The following DNMT3A variants were observed in gnomAD, a reference collection of about 807,000 sequenced individuals.
The protein encoded by DNMT3A is DNA (cytosine-5)-methyltransferase 3A.
DNMT3A carries 267 observed loss-of-function variants against 117.6 expected under a neutral mutation model. That is an observed-to-expected ratio of 2.27 (90% CI 2.05 to 2.51). DNMT3A has a LOEUF of 2.51. Among genes scored for constraint, DNMT3A ranks in the 30% most tolerant of loss-of-function variants. The pLI is 0.00. For missense variants in DNMT3A, 1,029 were observed against 1,260.2 expected, an observed-to-expected ratio of 0.82 and a Z score of 2.78; for synonymous variants, 432 against 474.8, an observed-to-expected ratio of 0.91 and a Z score of 1.17.
At chr2:25,292,590 C>T (rs1007829443) in intron 3 of DNMT3A, among the ~76,000 whole-genome samples, 1 of 152,142 alleles carries the variant, frequency 6.6e-6, no homozygotes, top group Non-Finnish European at 1.5e-5. Context: ...GCTCAGCCCG[C>T]CGCACCCGAC....
Position 25,228,438 on chromosome 2 carries a change from T to A in DNMT3A, c.*5841A>T, listed in dbSNP as rs142831610. ...GTCAAAGCGAAATCGTCTGTAACAG[T>A]AAAAGTTATTACCAAATCAGCTACG... On this transcript the variant is annotated 3_prime_UTR_variant, in exon 23 of 23. Transcript: ENST00000321117. 3 of 151,864 alleles carry A rather than the reference T, an allele frequency of 2.0e-5. No homozygotes were observed. The highest frequency in any genetic ancestry group is 4.4e-5 in the Non-Finnish European group (3 of 67,952). The allele number at this position is 151,864 out of a possible 1,614,324, so 9.4% of individuals were successfully genotyped here. A position where few individuals can be genotyped will look rare whatever the true frequency, so the allele number is the denominator to read the frequency against.
At chr2:25,341,680 CCCACGGGCG>C in intron 1 of DNMT3A, 137 bp downstream of exon 1, 4 of 533,108 alleles carry the variant, frequency 7.5e-6, no homozygotes, top group Non-Finnish European at 9.5e-6. Flanking sequence ...CAGTCCCGGC[CCCACGGGCG>C]CCCGGCGCCG....
chr2:25,268,606 A>C (rs964511493), intron 6 of DNMT3A, among the ~76,000 whole-genome samples: 1 of 152,086 alleles, frequency 6.6e-6, no homozygotes, highest in Non-Finnish European at 1.5e-5. Flanking sequence ...GAACTGCCCT[A>C]CCCTGCCCTC....
chr2:25,233,586 T>C lies in DNMT3A; in HGVS notation c.*693A>G, dbSNP rs1285782930. ...TGAAATACTGTAGAAAAATGTCTTGTGTGGTGTTCTCGTCTCCCTGCTGCT... is the reference window on the plus strand; with the variant it reads ...TGAAATACTGTAGAAAAATGTCTTGCGTGGTGTTCTCGTCTCCCTGCTGCT... On this transcript the variant is annotated 3_prime_UTR_variant, in exon 23 of 23. Coordinates refer to ENST00000321117, the MANE Select transcript of DNMT3A (RefSeq NM_022552.5). 4.3e-6 allele frequency: 1 copy of C among 233,146 alleles called. No homozygotes were observed. Among genetic ancestry groups the C allele is most frequent in the Non-Finnish European group, 8.5e-6 (1 of 117,916 alleles). The allele number at this position is 233,146 out of a possible 1,614,324, so 14.4% of individuals were successfully genotyped here.
chr2:25,282,545 G>C lies in DNMT3A; in HGVS notation c.344C>G (p.Pro115Arg). 2.5e-6 allele frequency: 4 copies of C among 1,613,384 alleles called. No individual in the cohort carries two copies. Among genetic ancestry groups the C allele is most frequent in the Non-Finnish European group, 3.4e-6 (4 of 1,179,932 alleles). ...SPAGGQKGGA[P>R]AEGEGAAETL... The stretch of plus-strand genomic sequence containing the variant: ...CTCAGCTGCACCCTCTCCCTCTGCT[G>C]GGGCCCCGCCCTTCTGCCCCCCAGC... Residue 115 changes from proline to arginine, a missense_variant, in exon 4 of 23, where the codon CCA (proline) becomes CGA (arginine). Physicochemically the swap from Pro to Arg is moderately radical, Grantham distance 103. Transcript: ENST00000321117. This position sits in a 1 kb window ranked among gnomAD's most constrained non-coding sequence, Gnocchi z 5.2.
intron 1 of DNMT3A, among the ~76,000 whole-genome samples, chr2:25,332,057 C>A (rs540849840): frequency 6.6e-6 from 1 of 152,352 alleles, no homozygotes; most frequent in African/African-American, 2.4e-5. Flanking sequence ...CCTGTCCAGG[C>A]CCACATTGCT....
chr2:25,340,985 C>A (rs902075921), intron 1 of DNMT3A, among the ~76,000 whole-genome samples: 1 of 146,992 alleles, frequency 6.8e-6, no homozygotes, highest in Non-Finnish European at 1.5e-5. Flanking sequence ...CACGACCACC[C>A]CTCTCCGTGC....
At chr2:25,335,148 T>A (rs927818951) in intron 1 of DNMT3A, among the ~76,000 whole-genome samples, 1 of 152,208 alleles carries the variant, frequency 6.6e-6, no homozygotes, top group African/African-American at 2.4e-5. Flanking sequence ...TTTTTTTTTT[T>A]AACCACAACA....
intron 6 of DNMT3A, among the ~76,000 whole-genome samples, chr2:25,271,178 T>G (rs1213645441): frequency 6.6e-6 from 1 of 151,538 alleles, no homozygotes; most frequent in Non-Finnish European, 1.5e-5. Context: ...AACCCCCATC[T>G]CTACTAAAAA....
At chr2:25,275,440 C>G in intron 5 of DNMT3A, 60 bp downstream of exon 5, 1 of 1,571,024 alleles carries the variant, frequency 6.4e-7, no homozygotes, top group Non-Finnish European at 8.6e-7. Flanking sequence ...CACACACTCG[C>G]CACCCGTGTC....
chr2:25,340,798 C>T (rs551756510), intron 1 of DNMT3A, among the ~76,000 whole-genome samples: 1 of 150,728 alleles, frequency 6.6e-6, no homozygotes, highest in Admixed American at 6.6e-5. Context: ...GGGCGTACCC[C>T]CCCTGCGCCG....
chr2:25,287,407 C>T (rs11677670), intron 3 of DNMT3A, among the ~76,000 whole-genome samples: 18,798 of 152,112 alleles, frequency 0.12, 1,592 homozygotes, highest in Non-Finnish European at 0.19. Flanking sequence ...TGTCCACCTA[C>T]CCCCACCCGG....
chr2:25,277,480 G>A (rs183464188), intron 4 of DNMT3A, among the ~76,000 whole-genome samples: 1 of 152,132 alleles, frequency 6.6e-6, no homozygotes, highest in African/African-American at 2.4e-5. Context: ...GCGGGGCTCC[G>A]GGGCTCGCGG....
Position 25,313,988 on chromosome 2 carries a change from G to A in DNMT3A, c.-4C>T, listed in dbSNP as rs1331022404. The A allele has an allele frequency of 2.6e-6, 4 of 1,541,022 alleles. No individual in the cohort carries two copies. Among genetic ancestry groups the A allele is most frequent in the Admixed American group, 4.0e-5 (2 of 49,982 alleles). ...CGCTGGAGGGCATGGCGGGCATCTG[G>A]GCGCCGGGAGGCAGGCTGGGGCTGC... On this transcript the variant is annotated 5_prime_UTR_variant, in exon 2 of 23. Transcript: ENST00000321117.
In DNMT3A at chr2:25,339,332, A is replaced by G. The variant is rs981903160; in HGVS notation, c.-178+2494T>C. ...CTGGCGTCCTTTCCTAGGCTTCTCC[A>G]GGAAGGACTCAGAGGGCAGCCCTGT... On this transcript the variant is annotated intron_variant, in intron 1 of 22. Transcript: ENST00000321117. This position sits in a 1 kb window ranked among gnomAD's most constrained non-coding sequence, Gnocchi z 4.9. Among the ~76,000 whole-genome samples the G allele has an allele frequency of 6.6e-6, 1 of 152,124 alleles. No homozygotes were observed.
chr2:25,311,983 TG>T lies in DNMT3A; in HGVS notation c.72+1929del, dbSNP rs2034145035. ...GCAGCCCAGAGCAGCAGCAGCGGCGTGGGAGTACAGTCCAGTAACAGGAGGA... is the reference window on the plus strand; with the variant it reads ...GCAGCCCAGAGCAGCAGCAGCGGCGTGGAGTACAGTCCAGTAACAGGAGGA... On this transcript the variant is annotated intron_variant, in intron 2 of 22. Coordinates refer to ENST00000321117, the MANE Select transcript of DNMT3A (RefSeq NM_022552.5). The surrounding 1 kb of genome is among the most constrained non-coding windows in gnomAD (Gnocchi z 5.2). Among the ~76,000 whole-genome samples the T allele has an allele frequency of 2.0e-5, 3 of 152,068 alleles. No individual in the cohort carries two copies. Among genetic ancestry groups the T allele is most frequent in the Non-Finnish European group, 1.5e-5 (1 of 67,998 alleles).
At chr2:25,261,319 G>A (rs1676582269) in intron 6 of DNMT3A, among the ~76,000 whole-genome samples, 3 of 151,474 alleles carry the variant, frequency 2.0e-5, no homozygotes, top group Admixed American at 1.3e-4. Context: ...TGTGCCTATA[G>A]TCCCAGCTAC....
At position 25,247,822 on chromosome 2, in the gene DNMT3A, C is replaced by T. The variant is rs1675014260; in HGVS notation, c.856-73G>A. 5.1e-6 allele frequency: 8 copies of T among 1,574,604 alleles called. No individual in the cohort carries two copies. Among genetic ancestry groups the T allele is most frequent in the East Asian group, 2.3e-5 (1 of 43,486 alleles). On this transcript the variant is annotated intron_variant, in intron 7 of 22. Transcript: ENST00000321117. This position sits in a 1 kb window ranked among gnomAD's most constrained non-coding sequence, Gnocchi z 5.6. ...TGCCACCCTGATCCCCCCATGGCAA[C>T]CCCAGCCCTGGGCATCTGGGGGGCA... is the stretch of plus-strand genomic sequence containing the variant.
chr2:25,323,741 G>A (rs985406093), intron 1 of DNMT3A, among the ~76,000 whole-genome samples: 4 of 152,178 alleles, frequency 2.6e-5, no homozygotes, highest in African/African-American at 9.7e-5. Context: ...CGCTCAGGCA[G>A]GAGCTTGTAC....
Sources: gnomAD v4.1 joint callset for allele counts (sites outside exome capture counted in the v4.1 genomes callset) on GRCh38, gnomAD v4.1.1 for gene constraint, Gnocchi (gnomAD v3.1) non-coding constraint, MANE v1.5 for transcripts, NCBI Gene and HGNC (gene_info 2026-07-23, HGNC 2026-07-21) for gene names.